PDAP1: variants seen among roughly 807,000 people sequenced by gnomAD.
PDAP1 encodes PDGFA associated protein 1.
Under a neutral mutation model 28.0 loss-of-function variants are expected in PDAP1, and 13 were observed. That is an observed-to-expected ratio of 0.46 (90% CI 0.30 to 0.74). The LOEUF (loss-of-function observed/expected upper bound fraction) is 0.74, where lower values mean the gene tolerates loss of function less well. PDAP1 is among the 30% of genes least tolerant of loss of function. The pLI, the probability that PDAP1 is intolerant of heterozygous loss-of-function variation, is 0.07. For synonymous variants in PDAP1, 77 were observed against 85.1 expected (o/e 0.91, Z 0.52); for missense variants, 150 against 230.0 (o/e 0.65, Z 2.25).
intron 3 of PDAP1, among the ~76,000 whole-genome samples, chr7:99,402,865 C>T (rs1326246898): frequency 6.6e-5 from 9 of 136,086 alleles, no homozygotes; most frequent in African/African-American, 2.7e-4. Flanking sequence ...AGTGACAAAG[C>T]GACACTTCAT....
chr7:99,398,611 G>A (rs960499710), intron 4 of PDAP1, among the ~76,000 whole-genome samples: 2 of 152,254 alleles, frequency 1.3e-5, no homozygotes, highest in African/African-American at 4.8e-5. Flanking sequence ...GGCTGAGGCA[G>A]GCGGATTGCT....
chr7:99,403,223 C>T, intron 3 of PDAP1, 175 bp downstream of exon 3: 1 of 598,044 alleles, frequency 1.7e-6, no homozygotes, highest in Non-Finnish European at 3.0e-6. Context: ...TAACACTTCT[C>T]ATTACTTGAA....
chr7:99,408,474 C>G, intron 1 of PDAP1, 62 bp downstream of exon 1: 1 of 1,330,746 alleles, frequency 7.5e-7, no homozygotes, highest in Non-Finnish European at 9.7e-7. Flanking sequence ...GCTGAGGGGA[C>G]AGCGGAAGCC....
In PDAP1 at chr7:99,397,894, T is replaced by G. The variant is rs149482376; in HGVS notation, c.455A>C (p.Glu152Ala). 761 of 1,613,508 alleles carry G rather than the reference T, an allele frequency of 4.7e-4. 3 individuals are homozygous for G. The highest frequency in any genetic ancestry group is 2.4e-3 in the Admixed American group (142 of 60,026). Reference sequence around the variant, plus strand: ...TTCCTCTTCCTTCTTCCGGGCAGCCTCCTCCCGCTGTTTCCGGATGATGGC... The same window carrying G: ...TTCCTCTTCCTTCTTCCGGGCAGCCGCCTCCCGCTGTTTCCGGATGATGGC... ...RLAIIRKQRE[E>A]AARKKEEERK... The change falls in exon 5 of 6, where the codon GAG becomes GCG. Residue 152 changes from glutamate (E) to alanine (A), a missense_variant. Glu to Ala is a moderately radical substitution (Grantham distance 107). Transcript: ENST00000350498.
rs1794731579 is a variant in PDAP1 at position 99,395,310 on chromosome 7, C to T, written c.*1372G>A. On this transcript the variant is annotated 3_prime_UTR_variant, in exon 6 of 6. Transcript: ENST00000350498. ...GGATTACAGGCATACACCACCAAGCCTGGTTAATTTTTGTATTTTTAGTAG... is the reference window on the plus strand; with the variant it reads ...GGATTACAGGCATACACCACCAAGCTTGGTTAATTTTTGTATTTTTAGTAG... 6.6e-6 allele frequency: 1 copy of T among 152,220 alleles called. No individual in the cohort carries two copies. Among genetic ancestry groups the T allele is most frequent in the Non-Finnish European group, 1.5e-5 (1 of 68,064 alleles). 9.4% of individuals were successfully genotyped at this position (152,220 alleles called of 1,614,324 possible).
chr7:99,402,912 G>GAA, intron 3 of PDAP1, among the ~76,000 whole-genome samples: 1 of 142,126 alleles, frequency 7.0e-6, no homozygotes, highest in South Asian at 2.3e-4. Flanking sequence ...GAAAAGAAAA[G>GAA]AAATGCCAAC....
At chr7:99,400,143 A>C (rs1471060116) in intron 4 of PDAP1, among the ~76,000 whole-genome samples, 160 bp downstream of exon 4, 1 of 152,188 alleles carries the variant, frequency 6.6e-6, no homozygotes, top group Admixed American at 6.5e-5. Flanking sequence ...AATTGGTGAA[A>C]ACAAATTCTG....
At chr7:99,406,405 G>A (rs922070717) in intron 1 of PDAP1, among the ~76,000 whole-genome samples, 3 of 152,070 alleles carry the variant, frequency 2.0e-5, no homozygotes, top group African/African-American at 7.2e-5. Flanking sequence ...ATGGCAAAAA[G>A]AGAATACTTA....
At chr7:99,403,685 C>G (rs1042900252) in intron 2 of PDAP1, among the ~76,000 whole-genome samples, 180 bp from the exon 3 acceptor site, 8 of 152,132 alleles carry the variant, frequency 5.3e-5, no homozygotes, top group African/African-American at 1.9e-4. Context: ...GGGCCAGACA[C>G]AGGCAGCCTA....
At chr7:99,406,265 G>A (rs10271695) in intron 1 of PDAP1, among the ~76,000 whole-genome samples, 8,768 of 151,946 alleles carry the variant, frequency 0.058, 779 homozygotes, top group African/African-American at 0.19. Context: ...TAAAAAAATC[G>A]CTGTTCGTTA....
Position 99,394,929 on chromosome 7 carries a change from C to A in PDAP1, c.*1753G>T. On this transcript the variant is annotated 3_prime_UTR_variant, in exon 6 of 6. Transcript: ENST00000350498. ...CCTTCTGCCTCAGCCTCCCAAGTAG[C>A]TGGGACTCCAGGGAGAGATTGGTGT... The A allele has an allele frequency of 2.6e-6, 2 of 758,126 alleles. No homozygotes were observed. The highest frequency in any genetic ancestry group is 3.5e-6 in the Non-Finnish European group (2 of 571,370). 47.0% of individuals were successfully genotyped at this position (758,126 alleles called of 1,614,324 possible). A position where few individuals can be genotyped will look rare whatever the true frequency, so the allele number is the denominator to read the frequency against.
intron 1 of PDAP1, among the ~76,000 whole-genome samples, chr7:99,405,711 T>C (rs1314393258): frequency 6.6e-6 from 1 of 152,052 alleles, no homozygotes; most frequent in Non-Finnish European, 1.5e-5. Context: ...ACAGGGGTGA[T>C]AGCTGGTCCC....
At position 99,396,564 on chromosome 7, in the gene PDAP1, G is replaced by A. The variant is rs1794767838; in HGVS notation, c.*118C>T. The A allele has an allele frequency of 1.2e-6, 1 of 845,652 alleles. No homozygotes were observed. The highest frequency in any genetic ancestry group is 1.7e-5 in the Admixed American group (1 of 58,136). The allele number at this position is 845,652 out of a possible 1,614,324, so 52.4% of individuals were successfully genotyped here. A position where few individuals can be genotyped will look rare whatever the true frequency, so the allele number is the denominator to read the frequency against. On this transcript the variant is annotated 3_prime_UTR_variant, in exon 6 of 6. Transcript: ENST00000350498. Reference sequence around the variant, plus strand: ...GATGAAGAGGAGGCCCCAGGCCATGGGGGGCTCCTGGCCATGAGGGGCTGT... The same window carrying A: ...GATGAAGAGGAGGCCCCAGGCCATGAGGGGCTCCTGGCCATGAGGGGCTGT...
rs79185041 is a variant in PDAP1 at position 99,395,277 on chromosome 7, A to C, written c.*1405T>G. On this transcript the variant is annotated 3_prime_UTR_variant, in exon 6 of 6. Coordinates refer to ENST00000350498, the MANE Select transcript of PDAP1 (RefSeq NM_014891.7). ...GCGATTCTCCTGCCTCAGCCTCCCAAGTAGCTGGGATTACAGGCATACACC... is the reference window on the plus strand; with the variant it reads ...GCGATTCTCCTGCCTCAGCCTCCCACGTAGCTGGGATTACAGGCATACACC... 7,566 of 152,314 alleles carry C rather than the reference A, an allele frequency of 0.05. 521 individuals carry two copies. The highest frequency in any genetic ancestry group is 0.32 in the East Asian group (1,678 of 5,182). 9.4% of individuals were successfully genotyped at this position (152,314 alleles called of 1,614,324 possible).
At chr7:99,402,931 C>T (rs1794904954) in intron 3 of PDAP1, among the ~76,000 whole-genome samples, 1 of 149,964 alleles carries the variant, frequency 6.7e-6, no homozygotes, top group South Asian at 2.1e-4. Context: ...ACCCCTTCAA[C>T]AGCTACACAG....
In PDAP1 at chr7:99,396,747, G is replaced by T; in HGVS notation, c.488-7C>A. ...AATGTGGCATCGTCTTTTGCTGAGG[G>T]GTGGGAGAAGGGCAGGGGTTAAAAC... On this transcript the variant is annotated splice_region_variant and splice_polypyrimidine_tract_variant and intron_variant, in intron 5 of 5. Transcript: ENST00000350498. The T allele has an allele frequency of 6.2e-7, 1 of 1,611,242 alleles. No individual in the cohort carries two copies. Among genetic ancestry groups the T allele is most frequent in the Non-Finnish European group, 8.5e-7 (1 of 1,178,580 alleles).
In PDAP1 at chr7:99,397,873, T is replaced by C; in HGVS notation, c.476A>G (p.Glu159Gly). ...QREEAARKKEEERKAKDDATL... is the reference protein window; with the variant it reads ...QREEAARKKEGERKAKDDATL... ...AGCCCAGCCCTTACCTTTCCTTTCC[T>C]CTTCCTTCTTCCGGGCAGCCTCCTC... Residue 159 changes from glutamate to glycine, a missense_variant, in exon 5 of 6, where the codon GAG becomes GGG. Coordinates refer to ENST00000350498, the MANE Select transcript of PDAP1 (RefSeq NM_014891.7). 2.5e-6 allele frequency: 4 copies of C among 1,612,758 alleles called. No homozygotes were observed. Among genetic ancestry groups the C allele is most frequent in the Non-Finnish European group, 3.4e-6 (4 of 1,180,020 alleles).
intron 3 of PDAP1, among the ~76,000 whole-genome samples, chr7:99,400,796 C>T (rs1020584474): frequency 6.6e-6 from 1 of 152,134 alleles, no homozygotes. Flanking sequence ...TTGCAAAAAG[C>T]GCTGGGCTGG....
At chr7:99,397,032 G>A (rs573577707) in intron 5 of PDAP1, among the ~76,000 whole-genome samples, 1 of 152,252 alleles carries the variant, frequency 6.6e-6, no homozygotes, top group East Asian at 1.9e-4. Context: ...CCACCTCCCA[G>A]CAGAACCCTG....
Sources: allele counts gnomAD v4.1 joint callset (sites outside exome capture counted in the v4.1 genomes callset), GRCh38; gene constraint gnomAD v4.1.1; transcripts MANE v1.5; gene names NCBI Gene and HGNC (gene_info 2026-07-23, HGNC 2026-07-21).